Variants in CACNA1B observed in about 807,000 individuals in gnomAD.
The protein encoded by CACNA1B is voltage-dependent N-type calcium channel subunit alpha-1B.
In CACNA1B, 70 loss-of-function variants were observed where a neutral mutation model predicts 247.2. The observed-to-expected ratio is 0.28, with a 90% CI of 0.23 to 0.35. The LOEUF (loss-of-function observed/expected upper bound fraction) is 0.35. CACNA1B is among the 10% of genes least tolerant of loss of function. The probability of loss-of-function intolerance (pLI) is 1.00; values close to 1 mark genes in which losing one functional copy is unlikely to be tolerated. For missense variants in CACNA1B, 2,367 were observed against 3,197.4 expected, an observed-to-expected ratio of 0.74 and a Z score of 6.26; for synonymous variants, 1,231 against 1,294.4, an observed-to-expected ratio of 0.95 and a Z score of 1.05.
At position 138,052,004 on chromosome 9, in the gene CACNA1B, G is replaced by A; in HGVS notation, c.3711-88G>A. ...GGAGTCTGAGACAAAATGCACAGGG[G>A]AGCAGGACTCAGACCCTGGGGGGCC... On this transcript the variant is annotated intron_variant, in intron 24 of 46. Coordinates refer to ENST00000371372, the MANE Select transcript of CACNA1B (RefSeq NM_000718.4). This position sits in a 1 kb window ranked among gnomAD's most constrained non-coding sequence, Gnocchi z 5.1. 1.4e-6 allele frequency: 1 copy of A among 724,678 alleles called. No individual in the cohort carries two copies. The highest frequency in any genetic ancestry group is 2.5e-6 in the Non-Finnish European group (1 of 405,704). 44.9% of individuals were successfully genotyped at this position (724,678 alleles called of 1,614,324 possible).
chr9:138,086,543 A>G (rs1470186165), intron 36 of CACNA1B, among the ~76,000 whole-genome samples: 2 of 151,088 alleles, frequency 1.3e-5, no homozygotes, highest in Admixed American at 1.3e-4. Flanking sequence ...CTCTTTAAGA[A>G]AAAAAATTTT....
Position 138,051,721 on chromosome 9 carries a change from G to T in CACNA1B, c.3711-371G>T, listed in dbSNP as rs559003290. On this transcript the variant is annotated intron_variant, in intron 24 of 46. Coordinates refer to ENST00000371372, the MANE Select transcript of CACNA1B (RefSeq NM_000718.4). The surrounding 1 kb of genome is among the most constrained non-coding windows in gnomAD (Gnocchi z 4.3). Reference sequence around the variant, plus strand: ...AAAAAAGCCCTTCCAGAAGATTCTCGCCCTAGAAACGTGCTTGTGGGCTCC... The same window carrying T: ...AAAAAAGCCCTTCCAGAAGATTCTCTCCCTAGAAACGTGCTTGTGGGCTCC... Among the ~76,000 whole-genome samples, 1 of 152,166 alleles carries T rather than the reference G, an allele frequency of 6.6e-6. No homozygotes were observed. The highest frequency in any genetic ancestry group is 2.1e-4 in the South Asian group (1 of 4,816).
chr9:137,927,125 C>G (rs1485349679), intron 6 of CACNA1B, among the ~76,000 whole-genome samples: 1 of 152,046 alleles, frequency 6.6e-6, no homozygotes, highest in Non-Finnish European at 1.5e-5. Context: ...TATTGTGAAG[C>G]TTTTGACCTA....
chr9:137,957,490 T>C lies in CACNA1B; in HGVS notation c.1244-108T>C. The C allele has an allele frequency of 1.4e-6, 1 of 712,580 alleles. No homozygotes were observed. Among genetic ancestry groups the C allele is most frequent in the Non-Finnish European group, 2.2e-6 (1 of 448,444 alleles). The allele number at this position is 712,580 out of a possible 1,614,324, so 44.1% of individuals were successfully genotyped here. On this transcript the variant is annotated intron_variant, in intron 9 of 46. Coordinates refer to ENST00000371372, the MANE Select transcript of CACNA1B (RefSeq NM_000718.4). The surrounding 1 kb of genome is among the most constrained non-coding windows in gnomAD (Gnocchi z 4.7). ...CTCAGCCCCAGTTCAGGACAGGAGC[T>C]CAGGAGAGGTCACTGGTCCCAGGGG...
intron 12 of CACNA1B, among the ~76,000 whole-genome samples, chr9:137,978,400 GC>G (rs1476648338): frequency 9.2e-4 from 95 of 103,248 alleles, no homozygotes; most frequent in African/African-American, 1.2e-3. Flanking sequence ...GTACTACCCT[GC>G]CCCCCCCAGG....
rs763994936 is a variant in CACNA1B, at chr9:138,025,023, C to A, written c.3137C>A (p.Thr1046Asn). The change falls in exon 20 of 47, where the codon ACC (threonine) becomes AAC (asparagine). Residue 1046 changes from threonine to asparagine, a missense_variant. By Grantham distance (65) the Thr-to-Asn change is moderately conservative. Coordinates refer to ENST00000371372, the MANE Select transcript of CACNA1B (RefSeq NM_000718.4). ...GGTCCCATGCACACACTGCCCAGCACCTGTCTCCAGAAGGTGGAGGAACAG... is the reference window on the plus strand; with the variant it reads ...GGTCCCATGCACACACTGCCCAGCAACTGTCTCCAGAAGGTGGAGGAACAG... ...TVGPMHTLPS[T>N]CLQKVEEQPE... The A allele has an allele frequency of 6.2e-7, 1 of 1,604,700 alleles. No homozygotes were observed. The highest frequency in any genetic ancestry group is 2.3e-5 in the East Asian group (1 of 44,434).
chr9:138,114,103 C>T (rs1229937459), intron 40 of CACNA1B, among the ~76,000 whole-genome samples: 3 of 152,192 alleles, frequency 2.0e-5, no homozygotes, highest in Non-Finnish European at 4.4e-5. Flanking sequence ...CTGCATTAAG[C>T]AGGTGGGGAT....
chr9:137,986,600 T>G lies in CACNA1B; in HGVS notation c.1901+56T>G. ...CTGGGGGCTTGCAGGGAAGCAGAGC[T>G]CAGAGCAGACGGTGCCGCCCAGGCT... On this transcript the variant is annotated intron_variant, in intron 14 of 46. Coordinates refer to ENST00000371372, the MANE Select transcript of CACNA1B (RefSeq NM_000718.4). This position sits in a 1 kb window ranked among gnomAD's most constrained non-coding sequence, Gnocchi z 6.0. 6.2e-7 allele frequency: 1 copy of G among 1,604,466 alleles called. No homozygotes were observed. The highest frequency in any genetic ancestry group is 1.3e-5 in the African/African-American group (1 of 74,850).
At position 137,920,680 on chromosome 9, in the gene CACNA1B, T is replaced by C. The variant is rs112557312; in HGVS notation, c.966+3249T>C. On this transcript the variant is annotated intron_variant, in intron 6 of 46. Transcript: ENST00000371372. ...AGTGGAGGTAAATCATGTTGCTTTA[T>C]GATTATGCACGTATGCTTTGCTTAT... is the stretch of plus-strand genomic sequence containing the variant. Among the ~76,000 whole-genome samples, 1,485 of 152,352 alleles carry C rather than the reference T, an allele frequency of 9.7e-3. 8 individuals carry two copies. Among genetic ancestry groups the C allele is most frequent in the South Asian group, 0.012 (60 of 4,826 alleles).
chr9:137,891,661 G>A lies in CACNA1B; in HGVS notation c.530+8778G>A, dbSNP rs1237359790. On this transcript the variant is annotated intron_variant, in intron 3 of 46. Coordinates refer to ENST00000371372, the MANE Select transcript of CACNA1B (RefSeq NM_000718.4). This position sits in a 1 kb window ranked among gnomAD's most constrained non-coding sequence, Gnocchi z 4.3. ...TTCACACTGGAGCGGCAGAGTTGCA[G>A]ATTCACACTGAGGTGAGGATGGTTG... is the stretch of plus-strand genomic sequence containing the variant. 2 of 220,868 alleles carry A rather than the reference G, an allele frequency of 9.1e-6. No homozygotes were observed. Among genetic ancestry groups the A allele is most frequent in the Admixed American group, 1.1e-4 (2 of 18,468 alleles). The allele number at this position is 220,868 out of a possible 1,614,324, so 13.7% of individuals were successfully genotyped here. A position where few individuals can be genotyped will look rare whatever the true frequency, so the allele number is the denominator to read the frequency against.
intron 12 of CACNA1B, among the ~76,000 whole-genome samples, chr9:137,983,889 G>T (rs963562454): frequency 8.4e-6 from 1 of 118,368 alleles, no homozygotes; most frequent in Non-Finnish European, 1.6e-5. Flanking sequence ...TCCTCCTGGT[G>T]TGTCTGGGGT....
intron 32 of CACNA1B, among the ~76,000 whole-genome samples, chr9:138,070,700 G>A (rs1006061453): frequency 6.6e-6 from 1 of 152,214 alleles, no homozygotes; most frequent in African/African-American, 2.4e-5. Context: ...TCATCTGCAC[G>A]CATCCAGCTC....
intron 22 of CACNA1B, 80 bp downstream of exon 22, chr9:138,047,113 G>A: frequency 4.3e-6 from 6 of 1,385,636 alleles, no homozygotes; most frequent in Non-Finnish European, 4.9e-6. Context: ...AAGGGGCTGG[G>A]GTGGGGCTGA....
rs137919195 is a variant in CACNA1B, at chr9:137,986,920, C to T, written c.1974+66C>T. The T allele has an allele frequency of 7.8e-5, 91 of 1,172,282 alleles. No homozygotes were observed. The highest frequency in any genetic ancestry group is 6.1e-4 in the East Asian group (26 of 42,758). 72.6% of individuals were successfully genotyped at this position (1,172,282 alleles called of 1,614,324 possible). A position where few individuals can be genotyped will look rare whatever the true frequency, so the allele number is the denominator to read the frequency against. ...CCGTCTCCCCTGGGTGCTGGGAAGG[C>T]GGACTCTCCTGTCATTCCCTCCCTT... On this transcript the variant is annotated intron_variant, in intron 15 of 46. Transcript: ENST00000371372. This position sits in a 1 kb window ranked among gnomAD's most constrained non-coding sequence, Gnocchi z 6.0.
intron 3 of CACNA1B, among the ~76,000 whole-genome samples, chr9:137,897,751 C>G (rs1046262643): frequency 6.6e-6 from 1 of 151,840 alleles, no homozygotes; most frequent in South Asian, 2.1e-4. Flanking sequence ...GCGATCTCAG[C>G]TCACTGCAAC....
intron 35 of CACNA1B, among the ~76,000 whole-genome samples, chr9:138,077,225 G>A (rs188496159): frequency 1.3e-4 from 20 of 152,312 alleles, no homozygotes; most frequent in South Asian, 2.1e-4. Flanking sequence ...CTGGGGCTGC[G>A]CACACAGACA....
Position 138,058,440 on chromosome 9 carries a change from G to T in CACNA1B, c.4309-129G>T. On this transcript the variant is annotated intron_variant, in intron 28 of 46. Coordinates refer to ENST00000371372, the MANE Select transcript of CACNA1B (RefSeq NM_000718.4). The surrounding 1 kb of genome is among the most constrained non-coding windows in gnomAD (Gnocchi z 4.7). ...GTTGAGGCCTGCTTGGAGAAGGTCT[G>T]GGCTGCTTCAATTTGTCTTCTGTTG... is the stretch of plus-strand genomic sequence containing the variant. 1 of 961,470 alleles carries T rather than the reference G, an allele frequency of 1.0e-6. No individual in the cohort carries two copies. Among genetic ancestry groups the T allele is most frequent in the Middle Eastern group, 2.2e-4 (1 of 4,590 alleles). The allele number at this position is 961,470 out of a possible 1,614,324, so 59.6% of individuals were successfully genotyped here.
At chr9:138,006,641 T>TGTGCATGTGTGGACGTGGCA (rs1453588430) in intron 15 of CACNA1B, 126 bp from the exon 16 acceptor site, 1 of 656,210 alleles carries the variant, frequency 1.5e-6, no homozygotes, top group Non-Finnish European at 2.8e-6. Flanking sequence ...AAGACCTGGA[T>TGTGCATGTGTGGACGTGGCA]GTGCATGTGT....
intron 36 of CACNA1B, among the ~76,000 whole-genome samples, chr9:138,092,456 G>A (rs1240439416): frequency 6.6e-6 from 1 of 152,236 alleles, no homozygotes; most frequent in Non-Finnish European, 1.5e-5. Context: ...GCCCAGCCCT[G>A]CAGGCAGTCG....
Sources: gnomAD v4.1 joint callset for allele counts (sites outside exome capture counted in the v4.1 genomes callset) on GRCh38, gnomAD v4.1.1 for gene constraint, Gnocchi (gnomAD v3.1) non-coding constraint, MANE v1.5 for transcripts, NCBI Gene and HGNC (gene_info 2026-07-23, HGNC 2026-07-21) for gene names.